Variants in THSD4 observed in about 807,000 individuals in gnomAD.
The protein encoded by THSD4 is thrombospondin type 1 domain containing 4.
In THSD4, 69 loss-of-function variants were observed where a neutral mutation model predicts 119.0. That is an observed-to-expected ratio of 0.58 (90% CI 0.48 to 0.71). The LOEUF (loss-of-function observed/expected upper bound fraction) is 0.71. THSD4 is among the 30% of genes least tolerant of loss of function. The pLI is 0.00. For missense variants in THSD4, 1,393 were observed against 1,391.1 expected, an observed-to-expected ratio of 1.00 and a Z score of -0.02; for synonymous variants, 524 against 540.4, an observed-to-expected ratio of 0.97 and a Z score of 0.42.
chr15:71,631,861 G>A (rs1464631368), intron 7 of THSD4, among the ~76,000 whole-genome samples: 15 of 152,118 alleles, frequency 9.9e-5, no homozygotes, highest in Non-Finnish European at 1.8e-4. Context: ...TTCGGTTCAG[G>A]GAACTATCAT....
chr15:71,704,102 C>T (rs1347921504), intron 8 of THSD4, among the ~76,000 whole-genome samples: 1 of 152,180 alleles, frequency 6.6e-6, no homozygotes. Context: ...CCCACCTTGG[C>T]CTCCCAAAGT....
At chr15:71,605,530 A>G (rs4349100) in intron 7 of THSD4, among the ~76,000 whole-genome samples, 101,042 of 152,110 alleles carry the variant, frequency 0.66, 34,617 homozygotes, top group East Asian at 0.99. Flanking sequence ...GAGGGGGAAG[A>G]TGGCTTGGAC....
intron 7 of THSD4, among the ~76,000 whole-genome samples, chr15:71,611,737 C>T (rs980413946): frequency 1.3e-5 from 2 of 152,202 alleles, no homozygotes; most frequent in Non-Finnish European, 2.9e-5. Flanking sequence ...TTACAGGAGG[C>T]TTTTTGTTTG....
chr15:71,516,151 A>G (rs751154574), intron 7 of THSD4, among the ~76,000 whole-genome samples: 7 of 152,258 alleles, frequency 4.6e-5, no homozygotes, highest in Non-Finnish European at 1.0e-4. Flanking sequence ...AATGGGGTAC[A>G]GGTGGTGTCC....
chr15:71,745,172 G>C lies in THSD4; in HGVS notation c.1973G>C (p.Cys658Ser), dbSNP rs765441967. ...STHEEAPESY[C>S]DSSMKPTPEE... The stretch of plus-strand genomic sequence containing the variant: ...CATGAAGAGGCTCCTGAGAGTTACT[G>C]TGACTCCAGCATGAAGCCGACCCCC... The change falls in exon 12 of 18, where the codon TGT (cysteine) becomes TCT (serine). Residue 658 changes from cysteine (C) to serine (S), a missense_variant. Coordinates refer to ENST00000261862, the MANE Select transcript of THSD4 (RefSeq NM_024817.3). 2 of 1,612,990 alleles carry C rather than the reference G, an allele frequency of 1.2e-6. No individual in the cohort carries two copies. The highest frequency in any genetic ancestry group is 1.7e-6 in the Non-Finnish European group (2 of 1,180,020).
chr15:71,556,439 G>T (rs1477798736), intron 7 of THSD4, among the ~76,000 whole-genome samples: 1 of 151,800 alleles, frequency 6.6e-6, no homozygotes, highest in Non-Finnish European at 1.5e-5. Context: ...TATTTTGGTT[G>T]CTAATGCTTA....
chr15:71,234,371 T>C lies in THSD4; in HGVS notation c.465-8278T>C, dbSNP rs540553885. Among the ~76,000 whole-genome samples, 3 of 152,274 alleles carry C rather than the reference T, an allele frequency of 2.0e-5. No homozygotes were observed. The East Asian group carries it at 5.8e-4, about 29-fold the overall frequency. ...CCCAGGCTGGAGTGCAATGGCACGA[T>C]CTTGGCTCACTGCAACCTCCACCTC... is the stretch of plus-strand genomic sequence containing the variant. On this transcript the variant is annotated intron_variant, in intron 4 of 17. Transcript: ENST00000261862.
intron 10 of THSD4, chr15:71,732,360 T>TGG (rs1001758679): frequency 1.3e-5 from 2 of 152,234 alleles, no homozygotes; most frequent in African/African-American, 4.8e-5. Flanking sequence ...GTCTTCCTGG[T>TGG]GGGCTCTGCT....
intron 7 of THSD4, among the ~76,000 whole-genome samples, chr15:71,575,626 G>T (rs1047509283): frequency 6.6e-6 from 1 of 152,146 alleles, no homozygotes; most frequent in African/African-American, 2.4e-5. Context: ...ATTCTAGAAA[G>T]ATTATTTTGG....
At chr15:71,517,211 A>G (rs1457764493) in intron 7 of THSD4, among the ~76,000 whole-genome samples, 3 of 152,200 alleles carry the variant, frequency 2.0e-5, no homozygotes, top group African/African-American at 7.2e-5. Flanking sequence ...AGACAAGTCA[A>G]AGCATCTGAT....
In THSD4 at chr15:71,782,253, G is replaced by GGT. The variant is rs1567152323; in HGVS notation, c.*4880_*4881insTG. On this transcript the variant is annotated 3_prime_UTR_variant, in exon 18 of 18. Coordinates refer to ENST00000261862, the MANE Select transcript of THSD4 (RefSeq NM_024817.3). ...TTCATTTCAGCAGATAATGATGGAG[G>GGT]GGGGGGGTGTCCATCGTGCTGAGGG... is the stretch of plus-strand genomic sequence containing the variant. The GGT allele has an allele frequency of 6.6e-6, 1 of 151,464 alleles. No homozygotes were observed. The highest frequency in any genetic ancestry group is 1.5e-5 in the Non-Finnish European group (1 of 67,824). 9.4% of individuals were successfully genotyped at this position (151,464 alleles called of 1,614,324 possible).
At chr15:71,663,797 C>T (rs8032461) in intron 8 of THSD4, among the ~76,000 whole-genome samples, 40,131 of 151,986 alleles carry the variant, frequency 0.26, 6,194 homozygotes, top group East Asian at 0.74. Context: ...CTCCATAATT[C>T]TCTAGGTAAC....
intron 15 of THSD4, among the ~76,000 whole-genome samples, chr15:71,759,704 AGCAGT>A (rs2053599404): frequency 6.6e-6 from 1 of 152,252 alleles, no homozygotes; most frequent in South Asian, 2.1e-4. Context: ...CGTGAAGATA[AGCAGT>A]ACAATCGAAC....
intron 3 of THSD4, among the ~76,000 whole-genome samples, chr15:71,173,772 T>C (rs2141409736): frequency 6.6e-6 from 1 of 152,138 alleles, no homozygotes; most frequent in East Asian, 1.9e-4. Flanking sequence ...CAAAACTTAC[T>C]GCAGAGCTAT....
At position 71,777,602 on chromosome 15, in the gene THSD4, T is replaced by A; in HGVS notation, c.*228T>A. 1.7e-6 allele frequency: 1 copy of A among 575,180 alleles called. No homozygotes were observed. The highest frequency in any genetic ancestry group is 2.2e-5 in the South Asian group (1 of 46,340). 35.6% of individuals were successfully genotyped at this position (575,180 alleles called of 1,614,324 possible). A position where few individuals can be genotyped will look rare whatever the true frequency, so the allele number is the denominator to read the frequency against. ...TTTAAGCATCACCATGTACTGATGA[T>A]CCCCTCCTTGGACCTGGCATCTGCT... On this transcript the variant is annotated 3_prime_UTR_variant, in exon 18 of 18. Coordinates refer to ENST00000261862, the MANE Select transcript of THSD4 (RefSeq NM_024817.3).
At chr15:71,199,702 GTCTGGGTGTGTGGTGTGTGTGTGTA>G (rs2043767708) in intron 3 of THSD4, among the ~76,000 whole-genome samples, 1 of 13,144 alleles carries the variant, frequency 7.6e-5, no homozygotes, top group African/African-American at 3.3e-4. Context: ...TGTGTGTGGT[GTCTGGGTGTGTGGTGTGTGTGTGTA>G]GTGTGTGTGT....
chr15:71,644,857 A>G (rs2050935967), intron 7 of THSD4, among the ~76,000 whole-genome samples: 1 of 151,876 alleles, frequency 6.6e-6, no homozygotes, highest in African/African-American at 2.4e-5. Flanking sequence ...AGTCCATTTC[A>G]CCCCTCAGCT....
At position 71,600,752 on chromosome 15, in the gene THSD4, T is replaced by C. The variant is rs559620195; in HGVS notation, c.1153-59778T>C. 3.4e-4 allele frequency among the ~76,000 whole-genome samples: 51 copies of C among 151,836 alleles called. 2 individuals carry two copies. Among genetic ancestry groups the C allele is most frequent in the South Asian group, 1.3e-3 (6 of 4,774 alleles). ...TGTCTTTTTTTTTCTTTCTTTCTTT[T>C]TTTTTTTGAGACAGAGTCTTGCTCT... On this transcript the variant is annotated intron_variant, in intron 7 of 17. Coordinates refer to ENST00000261862, the MANE Select transcript of THSD4 (RefSeq NM_024817.3).
chr15:71,142,404 G>A (rs1405730701), intron 2 of THSD4, among the ~76,000 whole-genome samples: 1 of 151,994 alleles, frequency 6.6e-6, no homozygotes, highest in Non-Finnish European at 1.5e-5. Context: ...TTTTTAAAAA[G>A]GCTGACAGAG....
Sources: gnomAD v4.1 joint callset for allele counts (sites outside exome capture counted in the v4.1 genomes callset) on GRCh38, gnomAD v4.1.1 for gene constraint, MANE v1.5 for transcripts, NCBI Gene and HGNC (gene_info 2026-07-23, HGNC 2026-07-21) for gene names.